Variants in LHFPL3 observed in about 807,000 individuals in gnomAD.
LHFPL3 encodes the protein LHFPL tetraspan subfamily member 3.
A neutral mutation model predicts 19.3 loss-of-function variants in LHFPL3; 5 were observed. The ratio of observed to expected loss-of-function variants is 0.26; its 90% CI spans 0.14 to 0.54. The LOEUF (loss-of-function observed/expected upper bound fraction) is 0.54, where lower values mean the gene tolerates loss of function less well. LHFPL3 is among the 20% of genes least tolerant of loss of function. The pLI, the probability that LHFPL3 is intolerant of heterozygous loss-of-function variation, is 0.94. For missense variants in LHFPL3, 249 were observed against 307.4 expected, an observed-to-expected ratio of 0.81 and a Z score of 1.42; for synonymous variants, 133 against 126.2, an observed-to-expected ratio of 1.05 and a Z score of -0.36.
chr7:104,562,598 A>G (rs1424263761), intron 1 of LHFPL3, among the ~76,000 whole-genome samples: 3 of 151,870 alleles, frequency 2.0e-5, no homozygotes, highest in Non-Finnish European at 4.4e-5. Context: ...ATTTTTTTCA[A>G]GTTTTCAACT....
chr7:104,423,657 C>G (rs1791777950), intron 1 of LHFPL3, among the ~76,000 whole-genome samples: 2 of 152,108 alleles, frequency 1.3e-5, no homozygotes, highest in African/African-American at 4.8e-5. Flanking sequence ...AAGACCCTGT[C>G]TCAAAAGCAA....
intron 2 of LHFPL3, among the ~76,000 whole-genome samples, chr7:104,852,860 TC>T (rs35973740): frequency 0.17 from 25,871 of 151,960 alleles, 2,458 homozygotes; most frequent in East Asian, 0.32. Context: ...TCCACCCTCT[TC>T]CCAGTCCCAC....
chr7:104,371,477 G>A (rs764461993), intron 1 of LHFPL3, among the ~76,000 whole-genome samples: 19 of 152,258 alleles, frequency 1.2e-4, no homozygotes, highest in Non-Finnish European at 2.4e-4. Context: ...TTTTCTGGTT[G>A]TATTATCTCA....
At chr7:104,664,326 G>T (rs573194447) in intron 1 of LHFPL3, among the ~76,000 whole-genome samples, 1 of 147,690 alleles carries the variant, frequency 6.8e-6, no homozygotes, top group Non-Finnish European at 1.5e-5. Flanking sequence ...TAAAAAAAAT[G>T]ACCCTCCAAT....
chr7:104,365,126 C>T (rs1358046890), intron 1 of LHFPL3, among the ~76,000 whole-genome samples: 1 of 151,978 alleles, frequency 6.6e-6, no homozygotes, highest in African/African-American at 2.4e-5. Context: ...ATGGAGAAAC[C>T]TTGTCTCTAC....
intron 1 of LHFPL3, among the ~76,000 whole-genome samples, chr7:104,583,344 A>C (rs1790500258): frequency 6.6e-6 from 1 of 152,212 alleles, no homozygotes; most frequent in Non-Finnish European, 1.5e-5. Context: ...GTTAGACCTA[A>C]AACCATAAAA....
chr7:104,519,611 T>C (rs1794002727), intron 1 of LHFPL3, among the ~76,000 whole-genome samples: 1 of 152,170 alleles, frequency 6.6e-6, no homozygotes, highest in African/African-American at 2.4e-5. Flanking sequence ...CATTTGTATT[T>C]ACTCCTCCAG....
At chr7:104,819,744 T>G (rs1017976023) in intron 2 of LHFPL3, among the ~76,000 whole-genome samples, 1 of 152,220 alleles carries the variant, frequency 6.6e-6, no homozygotes, top group Admixed American at 6.5e-5. Flanking sequence ...TGGAGCTTGC[T>G]GATATGTGCG....
At chr7:104,558,766 C>G (rs1789919850) in intron 1 of LHFPL3, among the ~76,000 whole-genome samples, 1 of 148,038 alleles carries the variant, frequency 6.8e-6, no homozygotes, top group Non-Finnish European at 1.5e-5. Flanking sequence ...TGCCTATGTC[C>G]TGAATGGTAT....
At chr7:104,374,303 G>A (rs34521146) in intron 1 of LHFPL3, among the ~76,000 whole-genome samples, 31,826 of 151,564 alleles carry the variant, frequency 0.21, 3,558 homozygotes, top group African/African-American at 0.29. Context: ...GTACAATGGC[G>A]TGATCTTGGC....
At chr7:104,600,326 G>C (rs958509639) in intron 1 of LHFPL3, among the ~76,000 whole-genome samples, 1 of 152,152 alleles carries the variant, frequency 6.6e-6, no homozygotes, top group Non-Finnish European at 1.5e-5. Flanking sequence ...ACGGAGCTCT[G>C]CTCTGTGGAG....
intron 1 of LHFPL3, among the ~76,000 whole-genome samples, chr7:104,666,512 C>CTTTTTTTT (rs71155514): frequency 0.025 from 1,064 of 42,222 alleles, 267 homozygotes; most frequent in East Asian, 0.036. Flanking sequence ...GGATTTCATT[C>CTTTTTTTT]TTTTTTTTTT....
At chr7:104,676,522 G>A (rs1032907523) in intron 1 of LHFPL3, among the ~76,000 whole-genome samples, 6 of 152,174 alleles carry the variant, frequency 3.9e-5, no homozygotes, top group Non-Finnish European at 7.3e-5. Flanking sequence ...CCCATGTGAT[G>A]TGTTTATGAT....
intron 1 of LHFPL3, among the ~76,000 whole-genome samples, chr7:104,605,248 C>G (rs1791071481): frequency 6.6e-6 from 1 of 152,086 alleles, no homozygotes; most frequent in Non-Finnish European, 1.5e-5. Flanking sequence ...TAAAGACTAT[C>G]CTTTAACCTC....
At chr7:104,517,506 C>CTTT (rs34506009) in intron 1 of LHFPL3, among the ~76,000 whole-genome samples, 3 of 129,374 alleles carry the variant, frequency 2.3e-5, no homozygotes, top group African/African-American at 2.9e-5. Context: ...ATTGATTGGC[C>CTTT]TTTTTTTTTT....
chr7:104,340,764 G>A (rs554103894), intron 1 of LHFPL3, among the ~76,000 whole-genome samples: 1 of 152,200 alleles, frequency 6.6e-6, no homozygotes, highest in African/African-American at 2.4e-5. Flanking sequence ...CAAAACACCA[G>A]GTTCAGTTAA....
chr7:104,666,903 A>G (rs1792364940), intron 1 of LHFPL3, among the ~76,000 whole-genome samples: 1 of 152,088 alleles, frequency 6.6e-6, no homozygotes, highest in Admixed American at 6.6e-5. Flanking sequence ...ATCTGTTGAT[A>G]GACAGGTTGA....
rs1792638473 is a variant in LHFPL3 at position 104,907,232 on chromosome 7, A to T, written c.*1017A>T. 2 of 152,480 alleles carry T rather than the reference A, an allele frequency of 1.3e-5. No homozygotes were observed. The highest frequency in any genetic ancestry group is 2.9e-5 in the Non-Finnish European group (2 of 67,984). 9.4% of individuals were successfully genotyped at this position (152,480 alleles called of 1,614,324 possible). On this transcript the variant is annotated 3_prime_UTR_variant, in exon 3 of 3. Transcript: ENST00000424859. ...CTATTTCCCTTACTGATGGGCACTC[A>T]TTTTTATTTTTTTAAAAATCATTCC...
chr7:104,555,070 G>T (rs1584397979), intron 1 of LHFPL3, among the ~76,000 whole-genome samples: 1 of 152,138 alleles, frequency 6.6e-6, no homozygotes, highest in South Asian at 2.1e-4. Flanking sequence ...GGCATATCTT[G>T]CCTACTCAGT....
Sources: allele counts gnomAD v4.1 joint callset (sites outside exome capture counted in the v4.1 genomes callset), GRCh38; gene constraint gnomAD v4.1.1; transcripts MANE v1.5; gene names NCBI Gene and HGNC (gene_info 2026-07-23, HGNC 2026-07-21).